The following ADAM7 variants were observed in gnomAD, a reference collection of about 807,000 sequenced individuals.
The protein encoded by ADAM7 is ADAM metallopeptidase domain 7, also known as disintegrin and metalloproteinase domain-containing protein 7.
A neutral mutation model predicts 102.9 loss-of-function variants in ADAM7; 97 were observed. The ratio of observed to expected loss-of-function variants is 0.94; its 90% CI spans 0.80 to 1.12. The LOEUF (loss-of-function observed/expected upper bound fraction) is 1.12, where lower values mean the gene tolerates loss of function less well. ADAM7 is among the 50% of genes most tolerant of loss of function. ADAM7 has a pLI of 0.00. For synonymous variants in ADAM7, 334 were observed against 304.4 expected (o/e 1.10, Z -1.01); for missense variants, 991 against 908.7 (o/e 1.09, Z -1.16).
chr8:24,504,760 C>CA (rs531789185), intron 20 of ADAM7, among the ~76,000 whole-genome samples: 144 of 152,130 alleles, frequency 9.5e-4, no homozygotes, highest in African/African-American at 3.3e-3. Context: ...AGCATACCCC[C>CA]ACTCTATCCC....
At chr8:24,447,998 C>T (rs1176246618) in intron 3 of ADAM7, among the ~76,000 whole-genome samples, 2 of 149,096 alleles carry the variant, frequency 1.3e-5, no homozygotes, top group African/African-American at 4.9e-5. Context: ...CCAAACCCTC[C>T]CTCTATTCTG....
chr8:24,475,394 A>G (rs973571102), intron 7 of ADAM7, among the ~76,000 whole-genome samples: 1 of 152,220 alleles, frequency 6.6e-6, no homozygotes, highest in Non-Finnish European at 1.5e-5. Flanking sequence ...ACAATAAAAT[A>G]GTAGGAGTGT....
Position 24,441,161 on chromosome 8 carries a change from G to T in ADAM7, c.52+1G>T, listed in dbSNP as rs1342093322. On this transcript the variant is annotated splice_donor_variant, in intron 1 of 21. Coordinates refer to ENST00000175238, the MANE Select transcript of ADAM7 (RefSeq NM_003817.4). LOFTEE classifies it high-confidence loss of function. Reference sequence around the variant, plus strand: ...ATTTTACTCATTCCTCAGGTTAAAGGTATGTCTTGCTCTTTTTATCAGGAC... The same window carrying T: ...ATTTTACTCATTCCTCAGGTTAAAGTTATGTCTTGCTCTTTTTATCAGGAC... 5 of 1,611,908 alleles carry T rather than the reference G, an allele frequency of 3.1e-6. No individual in the cohort carries two copies. Among genetic ancestry groups the T allele is most frequent in the Non-Finnish European group, 4.2e-6 (5 of 1,177,986 alleles).
chr8:24,462,161 C>A (rs145221919), intron 3 of ADAM7, among the ~76,000 whole-genome samples: 5 of 152,178 alleles, frequency 3.3e-5, no homozygotes, highest in African/African-American at 1.2e-4. Context: ...TGGACTTAAA[C>A]GGCAAATTCT....
In ADAM7 at chr8:24,468,743, A is replaced by G. The variant is rs567217705; in HGVS notation, c.580-24A>G. On this transcript the variant is annotated intron_variant, in intron 6 of 21. Coordinates refer to ENST00000175238, the MANE Select transcript of ADAM7 (RefSeq NM_003817.4). ...GATAGAAAGTGTTAACTATACTTCA[A>G]CTGAATTTTCCCTAACTTTACAGGG... The G allele has an allele frequency of 2.1e-5, 33 of 1,608,728 alleles. No homozygotes were observed. In the South Asian group the frequency reaches 2.2e-4, roughly 11 times the overall value.
intron 12 of ADAM7, 46 bp downstream of exon 12, chr8:24,489,379 G>A: frequency 1.3e-6 from 2 of 1,546,310 alleles, no homozygotes; most frequent in Non-Finnish European, 8.7e-7. Flanking sequence ...TTTATGATCA[G>A]GTAGAACCTA....
intron 7 of ADAM7, among the ~76,000 whole-genome samples, chr8:24,475,601 T>C (rs1456407225): frequency 1.3e-5 from 2 of 152,126 alleles, no homozygotes; most frequent in South Asian, 2.1e-4. Context: ...ACGTGGAAGA[T>C]GAAGATTGAA....
intron 3 of ADAM7, among the ~76,000 whole-genome samples, chr8:24,455,743 A>G (rs1819008780): frequency 6.6e-6 from 1 of 152,228 alleles, no homozygotes. Flanking sequence ...TTTGTATAAC[A>G]TTTTCATAAA....
chr8:24,452,534 C>G (rs1818838625), intron 3 of ADAM7, among the ~76,000 whole-genome samples: 1 of 151,812 alleles, frequency 6.6e-6, no homozygotes, highest in Non-Finnish European at 1.5e-5. Context: ...TATTTTGAGC[C>G]TATGTGTGTC....
chr8:24,478,728 C>T (rs775529444), intron 8 of ADAM7, among the ~76,000 whole-genome samples: 8 of 152,152 alleles, frequency 5.3e-5, no homozygotes, highest in Non-Finnish European at 8.8e-5. Flanking sequence ...GGGTCATCTA[C>T]GAGTTTAGTT....
intron 3 of ADAM7, among the ~76,000 whole-genome samples, chr8:24,454,307 C>A (rs1818917516): frequency 6.6e-6 from 1 of 152,244 alleles, no homozygotes; most frequent in East Asian, 1.9e-4. Flanking sequence ...GGGCTCCACC[C>A]AGTTCGAGCT....
intron 3 of ADAM7, among the ~76,000 whole-genome samples, chr8:24,460,961 T>C (rs761923291): frequency 6.6e-6 from 1 of 152,202 alleles, no homozygotes; most frequent in Non-Finnish European, 1.5e-5. Context: ...TTTTGTAGCA[T>C]AGATCTGTGG....
intron 2 of ADAM7, 136 bp from the exon 3 acceptor site, chr8:24,447,050 T>C (rs991951847): frequency 2.2e-6 from 1 of 452,032 alleles, no homozygotes; most frequent in African/African-American, 2.0e-5. Flanking sequence ...AATTCATCTT[T>C]ATCAGTATTT....
Position 24,441,281 on chromosome 8 carries a change from T to C in ADAM7, c.52+121T>C, listed in dbSNP as rs987459484. On this transcript the variant is annotated intron_variant, in intron 1 of 21. Coordinates refer to ENST00000175238, the MANE Select transcript of ADAM7 (RefSeq NM_003817.4). Reference sequence around the variant, plus strand: ...AACGTTGATGATTTTTCTGAGAGCTTCGACTAGATTACAGCTAATCATGAG... The same window carrying C: ...AACGTTGATGATTTTTCTGAGAGCTCCGACTAGATTACAGCTAATCATGAG... The C allele has an allele frequency of 3.6e-5, 34 of 937,658 alleles. 1 individual carries two copies. In the South Asian group the frequency reaches 4.5e-4, roughly 12 times the overall value. The allele number at this position is 937,658 out of a possible 1,614,324, so 58.1% of individuals were successfully genotyped here. A position where few individuals can be genotyped will look rare whatever the true frequency, so the allele number is the denominator to read the frequency against.
chr8:24,468,197 G>A (rs1819492573), intron 6 of ADAM7, among the ~76,000 whole-genome samples: 1 of 151,992 alleles, frequency 6.6e-6, no homozygotes, highest in Admixed American at 6.6e-5. Context: ...AAGAAATGCA[G>A]TCAGTCCTGT....
In ADAM7 at chr8:24,463,935, C is replaced by T. The variant is rs145275948; in HGVS notation, c.287C>T (p.Ala96Val). ...ACATTCTACTCCATGAAAGGAGAAG[C>T]GTTCACCAGGCATCCTCAGATCATG... is the stretch of plus-strand genomic sequence containing the variant. ...SETFYSMKGE[A>V]FTRHPQIMDH... Residue 96 changes from alanine (A) to valine (V), a missense_variant, in exon 4 of 22, where the codon GCG becomes GTG. Transcript: ENST00000175238. The T allele has an allele frequency of 7.4e-6, 12 of 1,613,532 alleles. No homozygotes were observed. The highest frequency in any genetic ancestry group is 3.3e-5 in the South Asian group (3 of 91,076).
intron 2 of ADAM7, among the ~76,000 whole-genome samples, chr8:24,445,854 A>G (rs529191804): frequency 2.0e-4 from 30 of 152,264 alleles, no homozygotes; most frequent in Non-Finnish European, 3.4e-4. Flanking sequence ...CTGTTCTTCA[A>G]ATGTGTCATG....
intron 3 of ADAM7, among the ~76,000 whole-genome samples, chr8:24,462,475 A>G (rs1819277240): frequency 6.6e-6 from 1 of 152,208 alleles, no homozygotes; most frequent in African/African-American, 2.4e-5. Flanking sequence ...TAAATGCTGT[A>G]AAACTGGAAA....
At position 24,482,219 on chromosome 8, in the gene ADAM7, T is replaced by C. The variant is rs529112526; in HGVS notation, c.783T>C (p.Tyr261=). 6.2e-7 allele frequency: 1 copy of C among 1,609,700 alleles called. No individual in the cohort carries two copies. The highest frequency in any genetic ancestry group is 2.2e-5 in the East Asian group (1 of 44,778). The change falls in exon 9 of 22, where the codon TAT becomes TAC. Residue 261 remains tyrosine (Y), a synonymous_variant. Coordinates refer to ENST00000175238, the MANE Select transcript of ADAM7 (RefSeq NM_003817.4). ...IWTHEDKIEL[Y]SNIETTLLRF... is the part of the protein sequence containing the mutation. The stretch of plus-strand genomic sequence containing the variant: ...CACATGAAGATAAAATAGAACTATA[T>C]TCAAATATAGAAACTACCTTATTGC...
Sources: gnomAD v4.1 joint callset for allele counts (sites outside exome capture counted in the v4.1 genomes callset) on GRCh38, gnomAD v4.1.1 for gene constraint, MANE v1.5 for transcripts, NCBI Gene and HGNC (gene_info 2026-07-23, HGNC 2026-07-21) for gene names.